The following DYNC2H1 variants were observed in gnomAD, a reference collection of about 807,000 sequenced individuals.
DYNC2H1 encodes the protein dynein cytoplasmic 2 heavy chain 1.
Under a neutral mutation model 570.0 loss-of-function variants are expected in DYNC2H1, and 410 were observed. The ratio of observed to expected loss-of-function variants is 0.72; its 90% CI spans 0.66 to 0.78. The LOEUF (loss-of-function observed/expected upper bound fraction) is 0.78, where lower values mean the gene tolerates loss of function less well. Ranked by LOEUF, DYNC2H1 falls within the 30% of genes least tolerant of loss-of-function variation. The probability of loss-of-function intolerance (pLI) is 0.00; values close to 1 mark genes in which losing one functional copy is unlikely to be tolerated. For missense variants in DYNC2H1, 4,865 were observed against 5,046.4 expected (o/e 0.96, Z 1.09); for synonymous variants, 1,688 against 1,677.6 (o/e 1.01, Z -0.15).
At chr11:103,180,558 G>A (rs1861810977) in intron 39 of DYNC2H1, among the ~76,000 whole-genome samples, 1 of 151,440 alleles carries the variant, frequency 6.6e-6, no homozygotes, top group Admixed American at 6.6e-5. Context: ...AACTTTTTTT[G>A]TTGCTATGTG....
intron 85 of DYNC2H1, among the ~76,000 whole-genome samples, chr11:103,437,815 T>C (rs188811768): frequency 1.4e-4 from 21 of 152,262 alleles, no homozygotes; most frequent in African/African-American, 5.1e-4. Context: ...CCATGAATGG[T>C]AGCCTATATT....
intron 31 of DYNC2H1, among the ~76,000 whole-genome samples, chr11:103,166,879 C>T (rs1409561401): frequency 6.6e-6 from 1 of 150,542 alleles, no homozygotes; most frequent in African/African-American, 2.4e-5. Flanking sequence ...GCTTTTGGCT[C>T]TTATTTCTTC....
chr11:103,425,017 C>A (rs1943617650), intron 84 of DYNC2H1, among the ~76,000 whole-genome samples: 1 of 152,180 alleles, frequency 6.6e-6, no homozygotes, highest in Non-Finnish European at 1.5e-5. Flanking sequence ...CTCACTGCAA[C>A]CTCCAACTCC....
chr11:103,356,414 C>T (rs972235056), intron 82 of DYNC2H1, among the ~76,000 whole-genome samples: 1 of 152,112 alleles, frequency 6.6e-6, no homozygotes, highest in Non-Finnish European at 1.5e-5. Flanking sequence ...GGACAGAAGA[C>T]ATCTTTTTTT....
At chr11:103,437,511 A>AC (rs1205237139) in intron 85 of DYNC2H1, among the ~76,000 whole-genome samples, 36 of 29,064 alleles carry the variant, frequency 1.2e-3, no homozygotes, top group Non-Finnish European at 2.9e-4. Flanking sequence ...TTGTTAAAGG[A>AC]AAAAAAAGTA....
chr11:103,470,108 G>A (rs1275189194), intron 88 of DYNC2H1, among the ~76,000 whole-genome samples: 1 of 152,002 alleles, frequency 6.6e-6, no homozygotes. Flanking sequence ...ATAAATATAG[G>A]AGACAATGAC....
intron 47 of DYNC2H1, among the ~76,000 whole-genome samples, chr11:103,193,492 T>A (rs1862398204): frequency 6.6e-6 from 1 of 152,114 alleles, no homozygotes. Context: ...ATGTCTTTTT[T>A]TGTTATTTTT....
chr11:103,181,636 C>A lies in DYNC2H1; in HGVS notation c.6348-121C>A, dbSNP rs1339158849. 3.3e-5 allele frequency: 36 copies of A among 1,075,154 alleles called. No individual in the cohort carries two copies. The East Asian group carries it at 9.4e-4, about 28-fold the overall frequency. The allele number at this position is 1,075,154 out of a possible 1,614,324, so 66.6% of individuals were successfully genotyped here. A position where few individuals can be genotyped will look rare whatever the true frequency, so the allele number is the denominator to read the frequency against. ...CTCATAGTAAAGTAACTAAAGCCAC[C>A]TTTTGTATGCTAGCAGACAAAATAT... On this transcript the variant is annotated intron_variant, in intron 39 of 88. Transcript: ENST00000375735. The surrounding 1 kb of genome is among the most constrained non-coding windows in gnomAD (Gnocchi z 5.0).
chr11:103,474,028 C>A, intron 88 of DYNC2H1: 1 of 185,716 alleles, frequency 5.4e-6, no homozygotes, highest in Non-Finnish European at 1.2e-5. Flanking sequence ...CTTCTATACA[C>A]TCTGGTTTAA....
At chr11:103,258,198 A>T (rs1291695980) in intron 69 of DYNC2H1, among the ~76,000 whole-genome samples, 1 of 152,230 alleles carries the variant, frequency 6.6e-6, no homozygotes, top group Non-Finnish European at 1.5e-5. Context: ...GGAAGTATGT[A>T]TTAAAGGATA....
intron 83 of DYNC2H1, among the ~76,000 whole-genome samples, chr11:103,389,215 C>T (rs937001131): frequency 2.0e-5 from 3 of 152,162 alleles, no homozygotes; most frequent in African/African-American, 7.2e-5. Context: ...TCAACTTCTC[C>T]TGGTTTAGTC....
At chr11:103,146,108 G>A (rs1019267177) in intron 18 of DYNC2H1, among the ~76,000 whole-genome samples, 1 of 152,076 alleles carries the variant, frequency 6.6e-6, no homozygotes, top group Admixed American at 6.5e-5. Context: ...TATAGCTTTT[G>A]GTTGTTAAGA....
At chr11:103,362,772 G>A (rs1186187895) in intron 83 of DYNC2H1, among the ~76,000 whole-genome samples, 4 of 152,188 alleles carry the variant, frequency 2.6e-5, no homozygotes, top group Non-Finnish European at 4.4e-5. Context: ...GCTCACGCCT[G>A]TAATCCCAGC....
intron 79 of DYNC2H1, among the ~76,000 whole-genome samples, chr11:103,314,380 C>T (rs11225701): frequency 0.17 from 25,208 of 151,912 alleles, 2,282 homozygotes; most frequent in Admixed American, 0.25. Context: ...TAATGCCTAA[C>T]TTAAAAATAT....
In DYNC2H1 at chr11:103,234,048, C is replaced by T; in HGVS notation, c.9455C>T (p.Thr3152Ile). 1 of 1,556,402 alleles carries T rather than the reference C, an allele frequency of 6.4e-7. No individual in the cohort carries two copies. Reference protein sequence around the residue: ...SELKEKFQSRTSEAAKLEAEV... With the variant: ...SELKEKFQSRISEAAKLEAEV... ...TGTTTACATAGATTTCAGAGCAGGA[C>T]TTCAGAAGCTGCCAAACTTGAGGCT... Residue 3152 changes from threonine to isoleucine, a missense_variant, in exon 61 of 89, where the codon ACT (threonine) becomes ATT (isoleucine). By Grantham distance (89) the Thr-to-Ile change is moderately conservative (BLOSUM62 -1). Transcript: ENST00000375735.
At chr11:103,478,243 G>T (rs1203717395) in intron 88 of DYNC2H1, among the ~76,000 whole-genome samples, 18 of 152,086 alleles carry the variant, frequency 1.2e-4, no homozygotes, top group Admixed American at 1.2e-3. Flanking sequence ...ACACATAAAG[G>T]GAAATAGGCA....
At chr11:103,353,886 A>G (rs1940176446) in intron 82 of DYNC2H1, among the ~76,000 whole-genome samples, 1 of 152,000 alleles carries the variant, frequency 6.6e-6, no homozygotes, top group East Asian at 1.9e-4. Context: ...CATTTTTTAA[A>G]AATCTCTTTG....
At chr11:103,178,999 G>A (rs2135000351) in intron 38 of DYNC2H1, 27 bp from the exon 39 acceptor site, 1 of 1,573,654 alleles carries the variant, frequency 6.4e-7, no homozygotes, top group African/African-American at 1.4e-5. Context: ...TTTTTATTTT[G>A]TCTCCACTGT....
chr11:103,255,514 CTCGAAGAA>C lies in DYNC2H1; in HGVS notation c.10309_10316del (p.Glu3437SerfsTer16). ...AGATAAGAAAATACAGCTAGCCAAG[CTCGAAGAA>C]TCTCTTCTAGAGGTAAAAGTCTAGC... On this transcript the variant is annotated frameshift_variant, in exon 67 of 89. Transcript: ENST00000375735. LOFTEE classifies it high-confidence loss of function. 1.9e-6 allele frequency: 3 copies of C among 1,555,532 alleles called. No individual in the cohort carries two copies. Among genetic ancestry groups the C allele is most frequent in the Non-Finnish European group, 1.7e-6 (2 of 1,149,052 alleles).
Sources: allele counts gnomAD v4.1 joint callset (sites outside exome capture counted in the v4.1 genomes callset), GRCh38; gene constraint gnomAD v4.1.1; non-coding constraint Gnocchi (gnomAD v3.1); transcripts MANE v1.5; gene names NCBI Gene and HGNC (gene_info 2026-07-23, HGNC 2026-07-21).